ADAM23: variants seen among roughly 807,000 people sequenced by gnomAD.
ADAM23 encodes ADAM metallopeptidase domain 23.
ADAM23 carries 33 observed loss-of-function variants against 120.1 expected under a neutral mutation model. The ratio of observed to expected loss-of-function variants is 0.27; its 90% confidence interval spans 0.21 to 0.37. ADAM23 has a LOEUF of 0.37. ADAM23 is among the 10% of genes least tolerant of loss of function. The pLI, the probability that ADAM23 is intolerant of heterozygous loss-of-function variation, is 1.00. For missense variants in ADAM23, 862 were observed against 1,058.2 expected, an observed-to-expected ratio of 0.81 and a Z score of 2.57; for synonymous variants, 367 against 375.2, an observed-to-expected ratio of 0.98 and a Z score of 0.25.
At chr2:206,528,870 C>T (rs1047968442) in intron 3 of ADAM23, among the ~76,000 whole-genome samples, 3 of 152,172 alleles carry the variant, frequency 2.0e-5, no homozygotes, top group East Asian at 3.9e-4. Context: ...TACTCTTGTC[C>T]TTCAGTTCCC....
intron 3 of ADAM23, among the ~76,000 whole-genome samples, chr2:206,515,455 CCA>C (rs1210452138): frequency 2.0e-5 from 3 of 152,130 alleles, no homozygotes; most frequent in Admixed American, 6.5e-5. Context: ...CCATGTTGCA[CCA>C]CACACAGTCT....
intron 21 of ADAM23, among the ~76,000 whole-genome samples, chr2:206,591,337 G>A (rs1354726815): frequency 6.6e-6 from 1 of 152,078 alleles, no homozygotes; most frequent in Non-Finnish European, 1.5e-5. Flanking sequence ...GACTTTTGTG[G>A]CAGTCACTTT....
At chr2:206,542,587 T>G (rs548314418) in intron 5 of ADAM23, among the ~76,000 whole-genome samples, 10 of 152,234 alleles carry the variant, frequency 6.6e-5, no homozygotes. Context: ...AGGGGTGGGC[T>G]CTAACAAAAC....
intron 3 of ADAM23, among the ~76,000 whole-genome samples, chr2:206,522,045 T>G (rs1696854039): frequency 6.6e-6 from 1 of 152,184 alleles, no homozygotes; most frequent in Non-Finnish European, 1.5e-5. Flanking sequence ...TTTTCTTTTT[T>G]TCATGAGTTG....
Position 206,585,045 on chromosome 2 carries a change from T to C in ADAM23, c.1738-2280T>C, listed in dbSNP as rs187735364. On this transcript the variant is annotated intron_variant, in intron 18 of 25. Transcript: ENST00000264377. ...GGGGTGTGTGTTCCCACTTCCACAA[T>C]TGGGGCACTCACAGTATTTGGGTGT... Among the ~76,000 whole-genome samples the C allele has an allele frequency of 1.7e-3, 253 of 152,242 alleles. 2 individuals are homozygous for C. The highest frequency in any genetic ancestry group is 5.7e-3 in the African/African-American group (236 of 41,560).
At chr2:206,602,261 A>C (rs1455417238) in intron 24 of ADAM23, among the ~76,000 whole-genome samples, 2 of 152,090 alleles carry the variant, frequency 1.3e-5, no homozygotes, top group Non-Finnish European at 2.9e-5. Flanking sequence ...GTTCAGAAAA[A>C]CCCTATTTTC....
chr2:206,512,721 C>T (rs1574506463), intron 3 of ADAM23, among the ~76,000 whole-genome samples: 1 of 151,978 alleles, frequency 6.6e-6, no homozygotes, highest in African/African-American at 2.4e-5. Flanking sequence ...ACAGATATAC[C>T]TAGTTTTATG....
intron 3 of ADAM23, among the ~76,000 whole-genome samples, chr2:206,497,228 A>G (rs1231802386): frequency 6.6e-6 from 1 of 152,232 alleles, no homozygotes; most frequent in Non-Finnish European, 1.5e-5. Context: ...AATATCCTTG[A>G]TGAACATTGA....
intron 4 of ADAM23, 84 bp downstream of exon 4, chr2:206,531,032 T>C: frequency 9.6e-7 from 1 of 1,044,140 alleles, no homozygotes; most frequent in Non-Finnish European, 1.4e-6. Flanking sequence ...TGTTTTGACG[T>C]CTGTCTCAGT....
At position 206,487,790 on chromosome 2, in the gene ADAM23, G is replaced by A. The variant is rs147641827; in HGVS notation, c.509+6482G>A. On this transcript the variant is annotated intron_variant, in intron 3 of 25. Transcript: ENST00000264377. Reference sequence around the variant, plus strand: ...GCATTATGTTCCTTCTTAATAGAACGCTACTCCAGCGAGAGAGTGTGGTGA... The same window carrying A: ...GCATTATGTTCCTTCTTAATAGAACACTACTCCAGCGAGAGAGTGTGGTGA... Among the ~76,000 whole-genome samples, 516 of 152,302 alleles carry A rather than the reference G, an allele frequency of 3.4e-3. 1 individual carries two copies. The highest frequency in any genetic ancestry group is 0.01 in the Middle Eastern group (3 of 294).
intron 13 of ADAM23, 78 bp downstream of exon 13, chr2:206,562,371 T>G: frequency 9.3e-7 from 1 of 1,075,964 alleles, no homozygotes; most frequent in Non-Finnish European, 1.4e-6. Context: ...TAAATAAATA[T>G]TTTTCATTCC....
In ADAM23 at chr2:206,587,364, A is replaced by G. The variant is rs141036267; in HGVS notation, c.1777A>G (p.Asn593Asp). ...NLHKQDGYAC[N>D]QNQGRCYNGE... ...TCATAAGCAAGACGGATATGCATGCAATCAAAATCAGGTATGCTGGGCTAT... is the reference window on the plus strand; with the variant it reads ...TCATAAGCAAGACGGATATGCATGCGATCAAAATCAGGTATGCTGGGCTAT... Residue 593 changes from asparagine to aspartate, a missense_variant, in exon 19 of 26, where the codon AAT becomes GAT. This residue lies in a region of ADAM23 where 617 missense variants were observed against 813.5 expected (regional missense o/e 0.76). Coordinates refer to ENST00000264377, the MANE Select transcript of ADAM23 (RefSeq NM_003812.4). The G allele has an allele frequency of 3.1e-6, 5 of 1,607,240 alleles. No homozygotes were observed. Among genetic ancestry groups the G allele is most frequent in the Non-Finnish European group, 4.2e-6 (5 of 1,176,582 alleles).
chr2:206,611,974 A>G (rs1035863527), intron 25 of ADAM23, among the ~76,000 whole-genome samples: 1 of 152,154 alleles, frequency 6.6e-6, no homozygotes, highest in Non-Finnish European at 1.5e-5. Context: ...GCTGAGTCAA[A>G]GCCCCTTCCT....
At chr2:206,609,702 GA>G (rs1214079158) in intron 24 of ADAM23, 1 of 503,534 alleles carries the variant, frequency 2.0e-6, no homozygotes. Context: ...CAATGGTGCA[GA>G]AACTTTAGAT....
chr2:206,603,464 A>G (rs1559285684), intron 24 of ADAM23, among the ~76,000 whole-genome samples: 2 of 152,228 alleles, frequency 1.3e-5, no homozygotes, highest in South Asian at 2.1e-4. Context: ...GGCACTTTAC[A>G]TGTATTTGCA....
chr2:206,551,930 G>A (rs1159318532), intron 9 of ADAM23, among the ~76,000 whole-genome samples: 3 of 152,142 alleles, frequency 2.0e-5, no homozygotes, highest in Non-Finnish European at 4.4e-5. Context: ...CCTTTTTGGT[G>A]GAAAGGAAAG....
At chr2:206,536,759 G>A (rs1697185751) in intron 4 of ADAM23, among the ~76,000 whole-genome samples, 1 of 151,964 alleles carries the variant, frequency 6.6e-6, no homozygotes, top group Admixed American at 6.6e-5. Context: ...AGGCTGGAGT[G>A]CAGTGGTGCA....
chr2:206,506,192 C>A (rs138875664), intron 3 of ADAM23, among the ~76,000 whole-genome samples: 4 of 152,148 alleles, frequency 2.6e-5, no homozygotes, highest in Admixed American at 2.0e-4. Context: ...TCTAGACAAG[C>A]CTTTTGTTTT....
At chr2:206,494,526 T>C (rs1057513429) in intron 3 of ADAM23, among the ~76,000 whole-genome samples, 3 of 152,106 alleles carry the variant, frequency 2.0e-5, no homozygotes, top group Non-Finnish European at 2.9e-5. Context: ...GAGGAGGAGA[T>C]GGTTGAGCTG....
Sources: gnomAD v4.1 joint callset for allele counts (sites outside exome capture counted in the v4.1 genomes callset) on GRCh38, gnomAD v4.1.1 for gene constraint, gnomAD v4.1.1 regional missense constraint, MANE v1.5 for transcripts, NCBI Gene and HGNC (gene_info 2026-07-23, HGNC 2026-07-21) for gene names.